The following ARNT2 variants were observed in gnomAD, a reference collection of about 807,000 sequenced individuals.
ARNT2 encodes the protein aryl hydrocarbon receptor nuclear translocator 2, also known as ARNT protein 2.
Under a neutral mutation model 91.7 loss-of-function variants are expected in ARNT2, and 36 were observed. The observed-to-expected ratio is 0.39, with a 90% confidence interval of 0.30 to 0.52. The LOEUF is 0.52. ARNT2 is among the 20% of genes least tolerant of loss of function. The probability of loss-of-function intolerance (pLI) is 0.72; values close to 1 mark genes in which losing one functional copy is unlikely to be tolerated. For synonymous variants in ARNT2, 365 were observed against 347.1 expected (o/e 1.05, Z -0.57); for missense variants, 775 against 939.3 (o/e 0.83, Z 2.29).
chr15:80,411,175 C>G (rs942491636), intron 1 of ARNT2, among the ~76,000 whole-genome samples: 74 of 152,196 alleles, frequency 4.9e-4, no homozygotes, highest in African/African-American at 1.7e-3. Context: ...ATGTACCTAT[C>G]ATGCATTCTT....
intron 3 of ARNT2, among the ~76,000 whole-genome samples, chr15:80,466,673 G>A (rs370634297): frequency 6.3e-4 from 96 of 152,350 alleles, no homozygotes; most frequent in African/African-American, 2.3e-3. Flanking sequence ...CTGCCTTGAT[G>A]AAGGCTTCAG....
rs1268843353 is a variant in ARNT2 at position 80,485,460 on chromosome 15, T to G, written c.622+10237T>G. 1.6e-4 allele frequency among the ~76,000 whole-genome samples: 25 copies of G among 152,188 alleles called. 1 individual carries two copies. Among genetic ancestry groups the G allele is most frequent in the Admixed American group, 1.6e-3 (24 of 15,274 alleles). On this transcript the variant is annotated intron_variant, in intron 5 of 18. Coordinates refer to ENST00000303329, the MANE Select transcript of ARNT2 (RefSeq NM_014862.4). ...AATAAAACCCATGTGGCCTGGCTCT[T>G]GTGGAGTTTACAGTTCAGTGGGGAA...
At chr15:80,584,932 C>A (rs1414288296) in intron 17 of ARNT2, among the ~76,000 whole-genome samples, 4 of 152,230 alleles carry the variant, frequency 2.6e-5, no homozygotes, top group Admixed American at 1.3e-4. Flanking sequence ...GGGCAGACAT[C>A]GAGTTGTGAC....
intron 8 of ARNT2, among the ~76,000 whole-genome samples, chr15:80,526,065 CGTT>C (rs1354318433): frequency 1.3e-5 from 2 of 152,184 alleles, no homozygotes; most frequent in South Asian, 2.1e-4. Flanking sequence ...GTTGTACACT[CGTT>C]GTTCTTTCTC....
intron 15 of ARNT2, among the ~76,000 whole-genome samples, chr15:80,577,987 C>G (rs575671922): frequency 1.8e-4 from 28 of 152,348 alleles, no homozygotes; most frequent in African/African-American, 5.5e-4. Context: ...CACCGCAGGT[C>G]ACGCTGCTCT....
rs147551651 is a variant in ARNT2 at position 80,423,344 on chromosome 15, G to A, written c.31+18798G>A. Among the ~76,000 whole-genome samples the A allele has an allele frequency of 5.0e-3, 766 of 152,326 alleles. 5 individuals are homozygous for A. Among genetic ancestry groups the A allele is most frequent in the Admixed American group, 0.011 (175 of 15,302 alleles). ...TGCTCAATGGATCTGTGCAGTGGCA[G>A]CATTAAGGAGTTAGTGTGGAAACAC... On this transcript the variant is annotated intron_variant, in intron 1 of 18. Transcript: ENST00000303329.
At chr15:80,521,284 G>A (rs1897541374) in intron 8 of ARNT2, among the ~76,000 whole-genome samples, 1 of 151,998 alleles carries the variant, frequency 6.6e-6, no homozygotes, top group African/African-American at 2.4e-5. Context: ...ATGAGTGCTG[G>A]CAGCAAGTTA....
chr15:80,508,373 C>A, intron 6 of ARNT2, 115 bp downstream of exon 6: 1 of 945,038 alleles, frequency 1.1e-6, no homozygotes, highest in Non-Finnish European at 1.7e-6. Context: ...GGGTTCACTC[C>A]AGGGACTTCG....
chr15:80,589,279 C>T (rs557353497), intron 17 of ARNT2, among the ~76,000 whole-genome samples: 64 of 151,420 alleles, frequency 4.2e-4, no homozygotes, highest in African/African-American at 8.7e-4. Flanking sequence ...CTTCAAATGC[C>T]TATTGGATGG....
chr15:80,442,986 G>C, intron 1 of ARNT2: 1 of 985,360 alleles, frequency 1.0e-6, no homozygotes, highest in Non-Finnish European at 1.2e-6. Context: ...TCTCTCACCT[G>C]GACTGCTGTG....
rs562466231 is a variant in ARNT2, at chr15:80,518,342, G to C, written c.877+3937G>C. On this transcript the variant is annotated intron_variant, in intron 8 of 18. Coordinates refer to ENST00000303329, the MANE Select transcript of ARNT2 (RefSeq NM_014862.4). ...TGTCACCAGGCTGGAGTGCAGTGGT[G>C]CAATCTCAGCTCACTGCAACCTCTG... Among the ~76,000 whole-genome samples, 13 of 130,676 alleles carry C rather than the reference G, an allele frequency of 9.9e-5. No individual in the cohort carries two copies. The South Asian group carries it at 3.1e-3, about 31-fold the overall frequency. The allele number at this position is 130,676 out of a possible 152,430, so 85.7% of individuals were successfully genotyped here.
At chr15:80,475,746 A>G (rs1336367028) in intron 5 of ARNT2, among the ~76,000 whole-genome samples, 2 of 152,196 alleles carry the variant, frequency 1.3e-5, no homozygotes, top group Non-Finnish European at 2.9e-5. Context: ...ATTAGTATAC[A>G]TTACCACTAG....
chr15:80,431,479 G>A (rs753278350), intron 1 of ARNT2, among the ~76,000 whole-genome samples: 7 of 152,176 alleles, frequency 4.6e-5, no homozygotes, highest in Non-Finnish European at 1.0e-4. Context: ...TCAGGGTCCT[G>A]AAGAGGGCAC....
chr15:80,591,196 C>T lies in ARNT2; in HGVS notation c.1919-372C>T, dbSNP rs1428625987. ...CTGCTGAGGACAGACCCTCTCTCAG[C>T]CCACACTCTGCATGCAACAGATATG... On this transcript the variant is annotated intron_variant, in intron 17 of 18. Coordinates refer to ENST00000303329, the MANE Select transcript of ARNT2 (RefSeq NM_014862.4). This position sits in a 1 kb window ranked among gnomAD's most constrained non-coding sequence, Gnocchi z 5.1. 6.6e-6 allele frequency among the ~76,000 whole-genome samples: 1 copy of T among 152,152 alleles called. No homozygotes were observed. Among genetic ancestry groups the T allele is most frequent in the African/African-American group, 2.4e-5 (1 of 41,420 alleles).
At chr15:80,462,709 G>T (rs1896578400) in intron 3 of ARNT2, among the ~76,000 whole-genome samples, 1 of 152,214 alleles carries the variant, frequency 6.6e-6, no homozygotes, top group African/African-American at 2.4e-5. Flanking sequence ...ATGGCTGCAA[G>T]TGACCCCATT....
In ARNT2 at chr15:80,404,492, G is replaced by T; in HGVS notation, c.-24G>T. Reference sequence around the variant, plus strand: ...CGCCCCTCCCGCGCCCCTGCCAAGCGGGCGCCTATCCTCTCCGAGCAAGAT... The same window carrying T: ...CGCCCCTCCCGCGCCCCTGCCAAGCTGGCGCCTATCCTCTCCGAGCAAGAT... On this transcript the variant is annotated 5_prime_UTR_variant, in exon 1 of 19. Coordinates refer to ENST00000303329, the MANE Select transcript of ARNT2 (RefSeq NM_014862.4). The surrounding 1 kb of genome is among the most constrained non-coding windows in gnomAD (Gnocchi z 5.5). 1.6e-6 allele frequency: 2 copies of T among 1,233,448 alleles called. No homozygotes were observed. The highest frequency in any genetic ancestry group is 1.6e-5 in the South Asian group (1 of 62,882). The allele number at this position is 1,233,448 out of a possible 1,614,324, so 76.4% of individuals were successfully genotyped here.
intron 5 of ARNT2, 41 bp from the exon 6 acceptor site, chr15:80,508,115 G>A (rs755826080): frequency 2.4e-5 from 39 of 1,603,474 alleles, no homozygotes; most frequent in Middle Eastern, 3.3e-4. Context: ...TCTCCCAACC[G>A]AAGGCAGAGG....
At chr15:80,489,356 G>A (rs940737688) in intron 5 of ARNT2, among the ~76,000 whole-genome samples, 1 of 152,140 alleles carries the variant, frequency 6.6e-6, no homozygotes, top group Non-Finnish European at 1.5e-5. Context: ...CTTTATTTTT[G>A]TAGATTCTTT....
rs1322735034 is a variant in ARNT2, at chr15:80,597,166, G to T, written c.*3468G>T. The T allele has an allele frequency of 1.9e-6, 1 of 518,596 alleles. No homozygotes were observed. The allele number at this position is 518,596 out of a possible 1,614,324, so 32.1% of individuals were successfully genotyped here. The stretch of plus-strand genomic sequence containing the variant: ...ACATGCAAACATCAGTGTCCTTCTA[G>T]CTTTAGCCGAGAAAGAAACCAGTCC... On this transcript the variant is annotated 3_prime_UTR_variant, in exon 19 of 19. Coordinates refer to ENST00000303329, the MANE Select transcript of ARNT2 (RefSeq NM_014862.4).
Sources: gnomAD v4.1 joint callset for allele counts (sites outside exome capture counted in the v4.1 genomes callset) on GRCh38, gnomAD v4.1.1 for gene constraint, Gnocchi (gnomAD v3.1) non-coding constraint, MANE v1.5 for transcripts, NCBI Gene and HGNC (gene_info 2026-07-23, HGNC 2026-07-21) for gene names.